The following FBXO8 variants were observed in gnomAD, a reference collection of about 807,000 sequenced individuals.
FBXO8 encodes F-box protein 8.
FBXO8 carries 15 observed loss-of-function variants against 33.4 expected under a neutral mutation model. The ratio of observed to expected loss-of-function variants is 0.45; its 90% confidence interval spans 0.30 to 0.69. The LOEUF (loss-of-function observed/expected upper bound fraction) is 0.69, where lower values mean the gene tolerates loss of function less well. Among genes scored for constraint, FBXO8 ranks in the 30% least tolerant of loss-of-function variants. The pLI is 0.08. For synonymous variants in FBXO8, 132 were observed against 131.5 expected, an observed-to-expected ratio of 1.00 and a Z score of -0.02; for missense variants, 274 against 380.3, an observed-to-expected ratio of 0.72 and a Z score of 2.32.
intron 1 of FBXO8, among the ~76,000 whole-genome samples, chr4:174,268,679 G>C (rs1053449252): frequency 1.3e-5 from 2 of 152,060 alleles, no homozygotes; most frequent in African/African-American, 4.8e-5. Flanking sequence ...CTCGTGATCC[G>C]CCCGCCTTGG....
chr4:174,241,290 C>T lies in FBXO8; in HGVS notation c.457-72G>A. On this transcript the variant is annotated intron_variant, in intron 3 of 5. Coordinates refer to ENST00000393674, the MANE Select transcript of FBXO8 (RefSeq NM_012180.3). This position sits in a 1 kb window ranked among gnomAD's most constrained non-coding sequence, Gnocchi z 4.2. ...ATGCATTTTAACAATTAAGCAATAG[C>T]ACAACAGTAGCTATAAATTCTTTCC... is the stretch of plus-strand genomic sequence containing the variant. 2 of 808,276 alleles carry T rather than the reference C, an allele frequency of 2.5e-6. No homozygotes were observed. 50.1% of individuals were successfully genotyped at this position (808,276 alleles called of 1,614,324 possible).
chr4:174,277,235 T>C lies in FBXO8; in HGVS notation c.-9+6175A>G, dbSNP rs1489169951. Among the ~76,000 whole-genome samples the C allele has an allele frequency of 6.6e-6, 1 of 152,166 alleles. No individual in the cohort carries two copies. Among genetic ancestry groups the C allele is most frequent in the Admixed American group, 6.5e-5 (1 of 15,278 alleles). ...TAAGAGATGGTATTTTTGACTACTA[T>C]GTTTTGTTTCCTATTCAAAATAGTA... On this transcript the variant is annotated intron_variant, in intron 1 of 5. Coordinates refer to ENST00000393674, the MANE Select transcript of FBXO8 (RefSeq NM_012180.3). The surrounding 1 kb of genome is among the most constrained non-coding windows in gnomAD (Gnocchi z 4.9).
At chr4:174,239,421 T>TA (rs1396428548) in intron 4 of FBXO8, among the ~76,000 whole-genome samples, 23 of 151,844 alleles carry the variant, frequency 1.5e-4, no homozygotes, top group Non-Finnish European at 3.4e-4. Flanking sequence ...TGAAACAAGG[T>TA]AAAACCTAGT....
At position 174,255,507 on chromosome 4, in the gene FBXO8, T is replaced by C. The variant is rs909282064; in HGVS notation, c.456+4192A>G. 4.6e-5 allele frequency among the ~76,000 whole-genome samples: 7 copies of C among 151,926 alleles called. No individual in the cohort carries two copies. The highest frequency in any genetic ancestry group is 1.7e-4 in the African/African-American group (7 of 41,406). On this transcript the variant is annotated intron_variant, in intron 3 of 5. Transcript: ENST00000393674. This position sits in a 1 kb window ranked among gnomAD's most constrained non-coding sequence, Gnocchi z 4.3. ...GGTCAAATTTAAAATATTTTTATAA[T>C]AGATTATTTAGTAAAATGTATAAAA...
At position 174,257,052 on chromosome 4, in the gene FBXO8, T is replaced by A. The variant is rs1258130537; in HGVS notation, c.456+2647A>T. Among the ~76,000 whole-genome samples the A allele has an allele frequency of 6.6e-6, 1 of 152,122 alleles. No homozygotes were observed. Among genetic ancestry groups the A allele is most frequent in the East Asian group, 1.9e-4 (1 of 5,188 alleles). On this transcript the variant is annotated intron_variant, in intron 3 of 5. Transcript: ENST00000393674. This position sits in a 1 kb window ranked among gnomAD's most constrained non-coding sequence, Gnocchi z 4.3. ...TTAACAAACATTTGACTTATAATTT[T>A]AAAAAATTATGTCAGATATAAAAAC... is the stretch of plus-strand genomic sequence containing the variant.
chr4:174,243,617 C>G (rs1210408863), intron 3 of FBXO8, among the ~76,000 whole-genome samples: 1 of 150,290 alleles, frequency 6.7e-6, no homozygotes, highest in Non-Finnish European at 1.5e-5. Flanking sequence ...AGCATGAGGT[C>G]TGTTGAATAA....
In FBXO8 at chr4:174,247,241, G is replaced by A. The variant is rs1393056849; in HGVS notation, c.457-6023C>T. Among the ~76,000 whole-genome samples the A allele has an allele frequency of 1.3e-5, 2 of 151,912 alleles. No homozygotes were observed. The highest frequency in any genetic ancestry group is 4.8e-5 in the African/African-American group (2 of 41,374). ...TTGGTATCAATAAAAGTTACATGAT[G>A]TTTTGTTTTGTTTTATTGGTGTCAC... On this transcript the variant is annotated intron_variant, in intron 3 of 5. Transcript: ENST00000393674. This position sits in a 1 kb window ranked among gnomAD's most constrained non-coding sequence, Gnocchi z 4.6.
chr4:174,243,776 AGT>A (rs1259327407), intron 3 of FBXO8, among the ~76,000 whole-genome samples: 1 of 151,194 alleles, frequency 6.6e-6, no homozygotes, highest in Non-Finnish European at 1.5e-5. Flanking sequence ...ACATCTGTGC[AGT>A]GTCTCACATG....
chr4:174,246,382 A>G (rs1443524616), intron 3 of FBXO8, among the ~76,000 whole-genome samples: 1 of 151,996 alleles, frequency 6.6e-6, no homozygotes, highest in Admixed American at 6.6e-5. Context: ...GAAGGATACT[A>G]GAATAGGAAG....
chr4:174,266,147 G>A (rs1040504322), intron 1 of FBXO8, among the ~76,000 whole-genome samples: 6 of 152,148 alleles, frequency 3.9e-5, no homozygotes, highest in Admixed American at 6.5e-5. Context: ...CCTAGGCTCC[G>A]GACTTTAATG....
rs1241773485 is a variant in FBXO8, at chr4:174,252,773, C to T, written c.456+6926G>A. ...CTGTAATTCCAGCACTTTGGGAGGC[C>T]GAGGCAGGTGGGTCACTTGAGGCAA... On this transcript the variant is annotated intron_variant, in intron 3 of 5. Transcript: ENST00000393674. This position sits in a 1 kb window ranked among gnomAD's most constrained non-coding sequence, Gnocchi z 5.1. Among the ~76,000 whole-genome samples the T allele has an allele frequency of 4.6e-5, 7 of 151,868 alleles. No homozygotes were observed. Among genetic ancestry groups the T allele is most frequent in the South Asian group, 2.1e-4 (1 of 4,806 alleles).
rs1737009756 is a variant in FBXO8, at chr4:174,278,797, A to G, written c.-9+4613T>C. On this transcript the variant is annotated intron_variant, in intron 1 of 5. Coordinates refer to ENST00000393674, the MANE Select transcript of FBXO8 (RefSeq NM_012180.3). The surrounding 1 kb of genome is among the most constrained non-coding windows in gnomAD (Gnocchi z 4.1). ...ACTGAGTTGCTTTTATACAAATAAA[A>G]CAAGGTATTAAATTAAATGAATATT... is the stretch of plus-strand genomic sequence containing the variant. 1.3e-5 allele frequency among the ~76,000 whole-genome samples: 2 copies of G among 152,258 alleles called. No individual in the cohort carries two copies. The highest frequency in any genetic ancestry group is 4.1e-4 in the South Asian group (2 of 4,828).
At chr4:174,271,050 G>C (rs547459918) in intron 1 of FBXO8, among the ~76,000 whole-genome samples, 3 of 152,032 alleles carry the variant, frequency 2.0e-5, no homozygotes, top group South Asian at 2.1e-4. Context: ...TCTCAACCTT[G>C]GTTGTATTCT....
At chr4:174,250,275 C>T (rs1347724029) in intron 3 of FBXO8, among the ~76,000 whole-genome samples, 3 of 151,982 alleles carry the variant, frequency 2.0e-5, no homozygotes, top group Non-Finnish European at 2.9e-5. Flanking sequence ...TTTGAATCTA[C>T]GTGTACAAAG....
chr4:174,263,439 T>C lies in FBXO8; in HGVS notation c.-8-339A>G, dbSNP rs1160900899. On this transcript the variant is annotated intron_variant, in intron 1 of 5. Coordinates refer to ENST00000393674, the MANE Select transcript of FBXO8 (RefSeq NM_012180.3). The surrounding 1 kb of genome is among the most constrained non-coding windows in gnomAD (Gnocchi z 4.2). ...TACAAATTATAATTATGTGGACTTATGGGCCAGTATTAAATACAGCTCTGA... is the reference window on the plus strand; with the variant it reads ...TACAAATTATAATTATGTGGACTTACGGGCCAGTATTAAATACAGCTCTGA... 2.0e-5 allele frequency among the ~76,000 whole-genome samples: 3 copies of C among 152,200 alleles called. No homozygotes were observed. Among genetic ancestry groups the C allele is most frequent in the African/African-American group, 4.8e-5 (2 of 41,456 alleles).
rs540520687 is a variant in FBXO8 at position 174,277,475 on chromosome 4, G to C, written c.-9+5935C>G. On this transcript the variant is annotated intron_variant, in intron 1 of 5. Coordinates refer to ENST00000393674, the MANE Select transcript of FBXO8 (RefSeq NM_012180.3). This position sits in a 1 kb window ranked among gnomAD's most constrained non-coding sequence, Gnocchi z 4.9. ...ATGGCACATGCTGTGCAGACAATAAGTAATGAAGAATGGTTTATATACTAT... is the reference window on the plus strand; with the variant it reads ...ATGGCACATGCTGTGCAGACAATAACTAATGAAGAATGGTTTATATACTAT... Among the ~76,000 whole-genome samples the C allele has an allele frequency of 6.6e-6, 1 of 152,206 alleles. No individual in the cohort carries two copies. Among genetic ancestry groups the C allele is most frequent in the Admixed American group, 6.5e-5 (1 of 15,296 alleles).
chr4:174,256,104 G>A lies in FBXO8; in HGVS notation c.456+3595C>T, dbSNP rs1560869782. On this transcript the variant is annotated intron_variant, in intron 3 of 5. Transcript: ENST00000393674. This position sits in a 1 kb window ranked among gnomAD's most constrained non-coding sequence, Gnocchi z 4.6. The stretch of plus-strand genomic sequence containing the variant: ...CTGTGGAGCTTGGTTACCCATATCC[G>A]TGACATGAACGGTGTCCTTTGGAGA... The A allele has an allele frequency of 2.2e-6, 1 of 456,002 alleles. No individual in the cohort carries two copies. Among genetic ancestry groups the A allele is most frequent in the Admixed American group, 2.4e-5 (1 of 42,544 alleles). 28.2% of individuals were successfully genotyped at this position (456,002 alleles called of 1,614,324 possible).
At chr4:174,246,215 C>T (rs1298382540) in intron 3 of FBXO8, among the ~76,000 whole-genome samples, 1 of 151,914 alleles carries the variant, frequency 6.6e-6, no homozygotes, top group Non-Finnish European at 1.5e-5. Flanking sequence ...ATTTTTAGGA[C>T]AGGGACCAAG....
rs536175858 is a variant in FBXO8 at position 174,278,164 on chromosome 4, T to A, written c.-9+5246A>T. On this transcript the variant is annotated intron_variant, in intron 1 of 5. Coordinates refer to ENST00000393674, the MANE Select transcript of FBXO8 (RefSeq NM_012180.3). This position sits in a 1 kb window ranked among gnomAD's most constrained non-coding sequence, Gnocchi z 4.1. ...CAAATGTAGAGAAATAAAGGAAGGGTAAGTCCACAAGGAGGTCTTTCTAAG... is the reference window on the plus strand; with the variant it reads ...CAAATGTAGAGAAATAAAGGAAGGGAAAGTCCACAAGGAGGTCTTTCTAAG... 5.9e-4 allele frequency among the ~76,000 whole-genome samples: 90 copies of A among 152,058 alleles called. No homozygotes were observed. Among genetic ancestry groups the A allele is most frequent in the African/African-American group, 2.1e-3 (88 of 41,536 alleles).
Sources: gnomAD v4.1 joint callset for allele counts (sites outside exome capture counted in the v4.1 genomes callset) on GRCh38, gnomAD v4.1.1 for gene constraint, Gnocchi (gnomAD v3.1) non-coding constraint, MANE v1.5 for transcripts, NCBI Gene and HGNC (gene_info 2026-07-23, HGNC 2026-07-21) for gene names.